Variants in KRT73 observed in about 807,000 individuals in gnomAD.
KRT73 encodes keratin 73.
Under a neutral mutation model 47.2 loss-of-function variants are expected in KRT73, and 44 were observed. That is an observed-to-expected ratio of 0.93 (90% confidence interval 0.73 to 1.20). The LOEUF (loss-of-function observed/expected upper bound fraction) is 1.20, where lower values mean the gene tolerates loss of function less well. KRT73 is among the 50% of genes most tolerant of loss of function. The pLI is 0.00. For missense variants in KRT73, 713 were observed against 704.5 expected (o/e 1.01, Z -0.14); for synonymous variants, 285 against 291.3 (o/e 0.98, Z 0.22).
intron 1 of KRT73, among the ~76,000 whole-genome samples, chr12:52,617,837 G>T (rs926584755): frequency 1.3e-5 from 2 of 152,196 alleles, no homozygotes; most frequent in Non-Finnish European, 2.9e-5. Context: ...GCCTTCGTCT[G>T]CTTCAGACAG....
At chr12:52,627,212 C>A in the KRT73 span, among the ~76,000 whole-genome samples, 2 of 152,214 alleles carry the variant, frequency 1.3e-5, no homozygotes, top group Non-Finnish European at 2.9e-5. Flanking sequence ...TCCTCCTAAT[C>A]TGGGTCTCTT....
At chr12:52,629,910 C>T in the KRT73 span, among the ~76,000 whole-genome samples, 1 of 152,184 alleles carries the variant, frequency 6.6e-6, no homozygotes, top group East Asian at 1.9e-4. Context: ...TGTTCCTAGA[C>T]TTGCACAAAC....
the KRT73 span, among the ~76,000 whole-genome samples, chr12:52,628,875 T>G: frequency 2.6e-5 from 4 of 152,184 alleles, no homozygotes; most frequent in East Asian, 7.7e-4. Context: ...CCAGAGCAGG[T>G]ATGCGTGCTC....
At chr12:52,617,562 A>C (rs772467908) in intron 1 of KRT73, among the ~76,000 whole-genome samples, 2 of 152,104 alleles carry the variant, frequency 1.3e-5, no homozygotes, top group Non-Finnish European at 2.9e-5. Context: ...CTGAGCTTTC[A>C]GGGGACACAG....
intron 1 of KRT73, among the ~76,000 whole-genome samples, chr12:52,617,364 G>T (rs1475482920): frequency 6.6e-6 from 1 of 152,178 alleles, no homozygotes; most frequent in Non-Finnish European, 1.5e-5. Flanking sequence ...AAAATGCAGG[G>T]TGCTGGGCCC....
rs1403305020 is a variant in KRT73, at chr12:52,611,267, C to T, written c.1047G>A (p.Glu349=). ...HGDDLKHTKN[E]ISELTRLIQR... is the part of the protein sequence containing the mutation. ...GGATGAGACGGGTCAGCTCTGAGAT[C>T]TCATTTTTGGTGTGTTTCAGGTCAT... Residue 349 remains glutamate, a synonymous_variant, in exon 6 of 9, where the codon GAG becomes GAA. Transcript: ENST00000305748. 1 of 1,614,046 alleles carries T rather than the reference C, an allele frequency of 6.2e-7. No individual in the cohort carries two copies. The highest frequency in any genetic ancestry group is 2.2e-5 in the East Asian group (1 of 44,878).
the KRT73 span, among the ~76,000 whole-genome samples, chr12:52,625,267 A>G: frequency 6.6e-6 from 1 of 152,214 alleles, no homozygotes; most frequent in East Asian, 1.9e-4. Context: ...ACTAGGATCT[A>G]GAATACATAA....
chr12:52,613,443 T>C (rs1490144878), intron 5 of KRT73: 2 of 523,468 alleles, frequency 3.8e-6, no homozygotes, highest in Non-Finnish European at 6.0e-6. Flanking sequence ...TTCCTCAGTC[T>C]GGACTCTGTT....
At chr12:52,630,504 A>C in the KRT73 span, among the ~76,000 whole-genome samples, 84 of 152,350 alleles carry the variant, frequency 5.5e-4, no homozygotes, top group African/African-American at 2.0e-3. Context: ...GGCCAACAGT[A>C]GGCAGTGAGT....
chr12:52,614,138 G>A (rs991676542), intron 4 of KRT73: 17 of 385,356 alleles, frequency 4.4e-5, no homozygotes, highest in Non-Finnish European at 7.0e-5. Flanking sequence ...TGCCACACAT[G>A]GGACACTAAG....
upstream of KRT73, among the ~76,000 whole-genome samples, chr12:52,621,097 C>G (rs974337878): frequency 6.6e-6 from 1 of 152,140 alleles, no homozygotes; most frequent in African/African-American, 2.4e-5. Context: ...TGAAATGCCT[C>G]TAAGTGGGTT....
At chr12:52,622,869 G>T (rs1032795142), upstream of KRT73, among the ~76,000 whole-genome samples, 3 of 152,100 alleles carry the variant, frequency 2.0e-5, no homozygotes, top group Non-Finnish European at 4.4e-5. Context: ...AGAATAAAAG[G>T]CCAGAGGAAA....
At chr12:52,620,370 C>T (rs1940886620), upstream of KRT73, among the ~76,000 whole-genome samples, 1 of 152,168 alleles carries the variant, frequency 6.6e-6, no homozygotes, top group African/African-American at 2.4e-5. Flanking sequence ...TCTCGAAGTG[C>T]TGGGATTACA....
the KRT73 span, among the ~76,000 whole-genome samples, chr12:52,627,441 C>T: frequency 6.6e-6 from 1 of 152,176 alleles, no homozygotes; most frequent in East Asian, 1.9e-4. Flanking sequence ...TGGCTATCTT[C>T]CTCCCCTTGC....
At chr12:52,620,146 T>C (rs1293335612), upstream of KRT73, among the ~76,000 whole-genome samples, 10 of 132,202 alleles carry the variant, frequency 7.6e-5, no homozygotes, top group Admixed American at 8.6e-4. Context: ...GGCGTTTCAC[T>C]CTTCTTGCCC....
chr12:52,615,610 T>C (rs1194974592), intron 2 of KRT73, among the ~76,000 whole-genome samples: 1 of 152,080 alleles, frequency 6.6e-6, no homozygotes, highest in Non-Finnish European at 1.5e-5. Context: ...CCACTCAGTA[T>C]CTGAATCACA....
chr12:52,630,647 C>A, the KRT73 span, among the ~76,000 whole-genome samples: 1 of 152,148 alleles, frequency 6.6e-6, no homozygotes, highest in African/African-American at 2.4e-5. Flanking sequence ...ACCCCACTCT[C>A]CCCCCTCCAA....
chr12:52,613,827 A>G lies in KRT73; in HGVS notation c.845T>C (p.Ile282Thr). Reference protein sequence around the residue: ...EGETAQIQSHISDTSIILSMD... With the variant: ...EGETAQIQSHTSDTSIILSMD... ...GGACAGGATGATGGACGTGTCGCTG[A>G]TGTGGGACTGGATCTGAGCAGTCTC... The change falls in exon 5 of 9, where the codon ATC (isoleucine) becomes ACC (threonine). Residue 282 changes from isoleucine to threonine, a missense_variant. Transcript: ENST00000305748. 6.2e-7 allele frequency: 1 copy of G among 1,614,118 alleles called. No homozygotes were observed. The highest frequency in any genetic ancestry group is 8.5e-7 in the Non-Finnish European group (1 of 1,179,996).
upstream of KRT73, among the ~76,000 whole-genome samples, chr12:52,620,573 A>G (rs1431518507): frequency 6.6e-6 from 1 of 152,172 alleles, no homozygotes; most frequent in East Asian, 1.9e-4. Context: ...CAGCAAAACT[A>G]CAAATTGCTG....
Sources: allele counts gnomAD v4.1 joint callset (sites outside exome capture counted in the v4.1 genomes callset), GRCh38; gene constraint gnomAD v4.1.1; transcripts MANE v1.5; gene names NCBI Gene and HGNC (gene_info 2026-07-23, HGNC 2026-07-21).